Variants in TTC28 observed in about 807,000 individuals in gnomAD.
TTC28 encodes tetratricopeptide repeat protein 28.
A neutral mutation model predicts 198.0 loss-of-function variants in TTC28; 61 were observed. That is an observed-to-expected ratio of 0.31 (90% CI 0.25 to 0.38). The LOEUF (loss-of-function observed/expected upper bound fraction) is 0.38, where lower values mean the gene tolerates loss of function less well. Among genes scored for constraint, TTC28 ranks in the 10% least tolerant of loss-of-function variants. TTC28 has a pLI of 1.00. For synonymous variants in TTC28, 1,171 were observed against 1,297.8 expected (o/e 0.90, Z 2.10); for missense variants, 2,678 against 3,164.0 (o/e 0.85, Z 3.69).
chr22:28,380,330 A>C (rs2046475707), intron 2 of TTC28, among the ~76,000 whole-genome samples: 1 of 152,134 alleles, frequency 6.6e-6, no homozygotes, highest in Non-Finnish European at 1.5e-5. Context: ...ACAGGATAAT[A>C]AGGGCAACAG....
chr22:28,336,036 T>C (rs2045710841), intron 2 of TTC28, among the ~76,000 whole-genome samples: 2 of 152,108 alleles, frequency 1.3e-5, no homozygotes, highest in African/African-American at 2.4e-5. Flanking sequence ...TTATTGAGAG[T>C]TTTTAGCACG....
Position 27,982,084 on chromosome 22 carries a change from G to A in TTC28, c.*137C>T, listed in dbSNP as rs1314884120. 1.1e-6 allele frequency: 1 copy of A among 895,674 alleles called. No individual in the cohort carries two copies. The highest frequency in any genetic ancestry group is 1.6e-6 in the Non-Finnish European group (1 of 620,530). The allele number at this position is 895,674 out of a possible 1,614,324, so 55.5% of individuals were successfully genotyped here. ...GTGTGTGTGGCAGCCTTTGGACGTG[G>A]TGGTGCCCCTCGCCTGCAGAGCACA... On this transcript the variant is annotated 3_prime_UTR_variant, in exon 23 of 23. Transcript: ENST00000397906. This position sits in a 1 kb window ranked among gnomAD's most constrained non-coding sequence, Gnocchi z 5.2.
At chr22:28,410,930 A>C (rs2047070985) in intron 2 of TTC28, among the ~76,000 whole-genome samples, 1 of 152,198 alleles carries the variant, frequency 6.6e-6, no homozygotes, top group Non-Finnish European at 1.5e-5. Flanking sequence ...ATTTTTCATT[A>C]ATAATTCTTA....
At chr22:28,139,061 G>A (rs1012860481) in intron 6 of TTC28, among the ~76,000 whole-genome samples, 1 of 151,956 alleles carries the variant, frequency 6.6e-6, no homozygotes, top group East Asian at 1.9e-4. Flanking sequence ...TTGGGGGTTG[G>A]GGAGAGATGG....
In TTC28 at chr22:28,121,329, G is replaced by A. The variant is rs537136387; in HGVS notation, c.1442-12926C>T. On this transcript the variant is annotated intron_variant, in intron 6 of 22. Transcript: ENST00000397906. ...CAACCCTACTACATACATCAGGAAG[G>A]GTGGGTTCCTTTGCCTAACTATTCT... Among the ~76,000 whole-genome samples the A allele has an allele frequency of 2.0e-5, 3 of 152,248 alleles. No homozygotes were observed. The East Asian group carries it at 5.8e-4, about 29-fold the overall frequency.
At chr22:28,294,535 G>GA (rs1293503314) in intron 5 of TTC28, among the ~76,000 whole-genome samples, 2 of 150,256 alleles carry the variant, frequency 1.3e-5, no homozygotes, top group Admixed American at 6.6e-5. Flanking sequence ...TGAAGGTTAG[G>GA]AAAAAAGAGT....
At chr22:28,310,784 A>AT (rs749034032) in intron 2 of TTC28, among the ~76,000 whole-genome samples, 2,756 of 144,526 alleles carry the variant, frequency 0.019, 87 homozygotes, top group African/African-American at 0.059. Flanking sequence ...TTATAATTTA[A>AT]TTTTTTTTTT....
chr22:28,440,853 T>G (rs1477664067), intron 2 of TTC28, among the ~76,000 whole-genome samples: 1 of 152,156 alleles, frequency 6.6e-6, no homozygotes, highest in African/African-American at 2.4e-5. Context: ...GGATATCTAA[T>G]CTCTTCCAAG....
intron 2 of TTC28, among the ~76,000 whole-genome samples, chr22:28,327,789 G>T (rs2045555056): frequency 6.6e-6 from 1 of 152,204 alleles, no homozygotes; most frequent in Non-Finnish European, 1.5e-5. Context: ...AGGAAGCAAA[G>T]AGTGGATACC....
chr22:28,475,929 T>C (rs2048158750), intron 2 of TTC28, among the ~76,000 whole-genome samples: 1 of 152,164 alleles, frequency 6.6e-6, no homozygotes, highest in African/African-American at 2.4e-5. Flanking sequence ...CTACAATAAT[T>C]GCAAAAATTT....
At chr22:28,212,601 G>C (rs1433308092) in intron 5 of TTC28, among the ~76,000 whole-genome samples, 3 of 101,988 alleles carry the variant, frequency 2.9e-5, no homozygotes, top group Non-Finnish European at 6.2e-5. Flanking sequence ...TCCCTGAATA[G>C]ACCAATAACA....
At chr22:28,344,591 A>C (rs1195824939) in intron 2 of TTC28, among the ~76,000 whole-genome samples, 1 of 152,166 alleles carries the variant, frequency 6.6e-6, no homozygotes, top group Non-Finnish European at 1.5e-5. Flanking sequence ...ACTGACAGGC[A>C]CTCCATTTAT....
intron 2 of TTC28, among the ~76,000 whole-genome samples, chr22:28,444,050 C>G (rs1390226159): frequency 2.0e-5 from 3 of 152,126 alleles, no homozygotes; most frequent in Non-Finnish European, 4.4e-5. Context: ...AATTTCATTA[C>G]TATAAAAAAT....
In TTC28 at chr22:28,569,503, T is replaced by C. The variant is rs558646198; in HGVS notation, c.381+60049A>G. Among the ~76,000 whole-genome samples, 47 of 152,256 alleles carry C rather than the reference T, an allele frequency of 3.1e-4. No homozygotes were observed. In the East Asian group the frequency reaches 8.7e-3, roughly 28 times the overall value. Reference sequence around the variant, plus strand: ...TGGTGCTACAGTAACTGGCTAGTCATATGCAGAAGATTGAAAGTGGAACCC... The same window carrying C: ...TGGTGCTACAGTAACTGGCTAGTCACATGCAGAAGATTGAAAGTGGAACCC... On this transcript the variant is annotated intron_variant, in intron 2 of 22. Coordinates refer to ENST00000397906, the MANE Select transcript of TTC28 (RefSeq NM_001145418.2).
At chr22:28,135,448 G>A (rs192830683) in intron 6 of TTC28, among the ~76,000 whole-genome samples, 10 of 152,340 alleles carry the variant, frequency 6.6e-5, no homozygotes, top group African/African-American at 2.2e-4. Context: ...TTGTTGAGGA[G>A]TAAAACGCCA....
chr22:28,178,511 T>C (rs1482389194), intron 5 of TTC28, among the ~76,000 whole-genome samples: 1 of 151,932 alleles, frequency 6.6e-6, no homozygotes, highest in Admixed American at 6.6e-5. Flanking sequence ...TTTGAAAATA[T>C]ATAAATTGGA....
intron 6 of TTC28, among the ~76,000 whole-genome samples, chr22:28,129,340 G>A (rs1187580580): frequency 2.0e-5 from 3 of 152,196 alleles, no homozygotes; most frequent in East Asian, 3.8e-4. Context: ...AATTAAATCC[G>A]AATCTCTGAG....
intron 11 of TTC28, 114 bp from the exon 12 acceptor site, chr22:28,094,359 A>T: frequency 8.3e-7 from 1 of 1,202,408 alleles, no homozygotes; most frequent in Non-Finnish European, 1.1e-6. Flanking sequence ...CAAGCATGCC[A>T]TCCTGCAAAC....
chr22:28,318,074 T>C (rs1274667074), intron 2 of TTC28, among the ~76,000 whole-genome samples: 3 of 79,690 alleles, frequency 3.8e-5, no homozygotes, highest in Non-Finnish European at 6.3e-5. Flanking sequence ...AGCTAATTAA[T>C]TTTTTTTTTT....
Sources: gnomAD v4.1 joint callset for allele counts (sites outside exome capture counted in the v4.1 genomes callset) on GRCh38, gnomAD v4.1.1 for gene constraint, Gnocchi (gnomAD v3.1) non-coding constraint, MANE v1.5 for transcripts, NCBI Gene and HGNC (gene_info 2026-07-23, HGNC 2026-07-21) for gene names.